Variants in RAP1GDS1 observed in about 807,000 individuals in gnomAD.
RAP1GDS1 encodes the protein Rap1 GTPase-GDP dissociation stimulator 1.
In RAP1GDS1, 35 loss-of-function variants were observed where a neutral mutation model predicts 71.1. The observed-to-expected ratio is 0.49, with a 90% confidence interval of 0.38 to 0.65. The LOEUF is 0.65. RAP1GDS1 is among the 30% of genes least tolerant of loss of function. RAP1GDS1 has a pLI of 0.00. For missense variants in RAP1GDS1, 663 were observed against 706.1 expected (o/e 0.94, Z 0.69); for synonymous variants, 229 against 243.1 (o/e 0.94, Z 0.54).
In RAP1GDS1 at chr4:98,321,147, G is replaced by A. The variant is rs1316285380; in HGVS notation, c.113-21992G>A. Among the ~76,000 whole-genome samples the A allele has an allele frequency of 5.0e-4, 72 of 145,338 alleles. No homozygotes were observed. The East Asian group carries it at 0.013, about 26-fold the overall frequency. Reference sequence around the variant, plus strand: ...ATGCAGAAGCCTCAGGAGCCGATGCGATCAACTGGAAGAAAGGATATCAGC... The same window carrying A: ...ATGCAGAAGCCTCAGGAGCCGATGCAATCAACTGGAAGAAAGGATATCAGC... On this transcript the variant is annotated intron_variant, in intron 2 of 14. Coordinates refer to ENST00000408927, the MANE Select transcript of RAP1GDS1 (RefSeq NM_001100427.2).
chr4:98,420,393 T>A (rs1242508689), intron 11 of RAP1GDS1, among the ~76,000 whole-genome samples: 1 of 151,904 alleles, frequency 6.6e-6, no homozygotes, highest in Admixed American at 6.6e-5. Context: ...TGAGACAGAG[T>A]CTTGTTCTGT....
chr4:98,387,779 G>A (rs1742987695), intron 5 of RAP1GDS1, among the ~76,000 whole-genome samples: 1 of 152,116 alleles, frequency 6.6e-6, no homozygotes, highest in African/African-American at 2.4e-5. Context: ...CTATGTATGG[G>A]CCTGGGTTAC....
intron 2 of RAP1GDS1, among the ~76,000 whole-genome samples, chr4:98,298,892 G>A (rs1297728117): frequency 6.6e-6 from 1 of 152,104 alleles, no homozygotes; most frequent in Admixed American, 6.6e-5. Flanking sequence ...TGATTCATGG[G>A]AGAAGGTCAA....
intron 2 of RAP1GDS1, among the ~76,000 whole-genome samples, chr4:98,300,423 G>T (rs528893712): frequency 6.7e-6 from 1 of 149,440 alleles, no homozygotes; most frequent in South Asian, 2.1e-4. Context: ...TTTTTGAGGC[G>T]GAGTCTTGCA....
chr4:98,270,390 C>T (rs1199524779), intron 1 of RAP1GDS1, among the ~76,000 whole-genome samples: 1 of 152,104 alleles, frequency 6.6e-6, no homozygotes, highest in East Asian at 1.9e-4. Flanking sequence ...CTCTATATAA[C>T]TTGTTTTTCT....
chr4:98,421,321 C>T lies in RAP1GDS1; in HGVS notation c.1367C>T (p.Ala456Val). The T allele has an allele frequency of 6.2e-7, 1 of 1,612,166 alleles. No homozygotes were observed. Among genetic ancestry groups the T allele is most frequent in the Non-Finnish European group, 8.5e-7 (1 of 1,178,876 alleles). ...LVERLVEWCEAKDHAGVMGES... is the reference protein window; with the variant it reads ...LVERLVEWCEVKDHAGVMGES... ...GAGCGTTTGGTGGAATGGTGTGAAG[C>T]CAAAGATCATGCTGGTGTGATGGGG... is the stretch of plus-strand genomic sequence containing the variant. The change falls in exon 12 of 15, where the codon GCC (alanine) becomes GTC (valine). Residue 456 changes from alanine to valine, a missense_variant. Coordinates refer to ENST00000408927, the MANE Select transcript of RAP1GDS1 (RefSeq NM_001100427.2).
intron 2 of RAP1GDS1, among the ~76,000 whole-genome samples, chr4:98,340,364 C>T (rs1406089484): frequency 6.6e-6 from 1 of 152,102 alleles, no homozygotes; most frequent in East Asian, 1.9e-4. Context: ...TCCTTTGCAG[C>T]AACATGGATG....
intron 2 of RAP1GDS1, among the ~76,000 whole-genome samples, chr4:98,316,123 T>G (rs1401121501): frequency 6.6e-6 from 1 of 152,180 alleles, no homozygotes; most frequent in African/African-American, 2.4e-5. Flanking sequence ...CATCCAGTGC[T>G]AGGATTTAAT....
At chr4:98,288,534 TG>T (rs1358033280) in intron 1 of RAP1GDS1, among the ~76,000 whole-genome samples, 1 of 152,202 alleles carries the variant, frequency 6.6e-6, no homozygotes, top group East Asian at 1.9e-4. Context: ...TATAATCCTT[TG>T]GGTATATACC....
At chr4:98,417,615 C>A (rs1748211885) in intron 9 of RAP1GDS1, 117 bp downstream of exon 9, 1 of 937,318 alleles carries the variant, frequency 1.1e-6, no homozygotes, top group Non-Finnish European at 1.5e-6. Context: ...TGTGTATATG[C>A]TGCTAACTTA....
In RAP1GDS1 at chr4:98,420,009, T is replaced by C. The variant is rs762849283; in HGVS notation, c.1175-10T>C. The C allele has an allele frequency of 3.8e-6, 6 of 1,584,766 alleles. No homozygotes were observed. In the South Asian group the frequency reaches 5.9e-5, roughly 16 times the overall value. ...ATACCATTTTAACCATAGTCTCTCT[T>C]TTTCTCCAGTTATAAATAAAGCAAA... On this transcript the variant is annotated splice_polypyrimidine_tract_variant and intron_variant, in intron 10 of 14. Transcript: ENST00000408927.
intron 2 of RAP1GDS1, among the ~76,000 whole-genome samples, chr4:98,304,181 G>T (rs1003993765): frequency 6.6e-6 from 1 of 152,098 alleles, no homozygotes; most frequent in Admixed American, 6.6e-5. Flanking sequence ...CTTTATAATA[G>T]AATGACTTAT....
chr4:98,323,557 C>G (rs930839060), intron 2 of RAP1GDS1, among the ~76,000 whole-genome samples: 30 of 143,334 alleles, frequency 2.1e-4, no homozygotes, highest in African/African-American at 8.0e-4. Context: ...AGTAGCACAT[C>G]AAAAAGCTTA....
chr4:98,362,434 C>T (rs1384702428), intron 4 of RAP1GDS1, among the ~76,000 whole-genome samples: 3 of 152,086 alleles, frequency 2.0e-5, no homozygotes, highest in Non-Finnish European at 4.4e-5. Context: ...GATTGTGCTA[C>T]CACACTCCAG....
At chr4:98,401,362 ATATAAT>A (rs1159582547) in intron 6 of RAP1GDS1, among the ~76,000 whole-genome samples, 2 of 152,350 alleles carry the variant, frequency 1.3e-5, no homozygotes, top group East Asian at 3.9e-4. Flanking sequence ...ACAAAATTAC[ATATAAT>A]TAGAAAGATG....
chr4:98,436,906 C>T (rs371611611), intron 13 of RAP1GDS1, 34 bp from the exon 14 acceptor site: 50 of 1,546,942 alleles, frequency 3.2e-5, no homozygotes, highest in African/African-American at 5.6e-5. Flanking sequence ...ATACTGGGTT[C>T]GTACGCAGTA....
At chr4:98,347,534 G>A (rs1169489176) in intron 3 of RAP1GDS1, among the ~76,000 whole-genome samples, 1 of 152,142 alleles carries the variant, frequency 6.6e-6, no homozygotes, top group Non-Finnish European at 1.5e-5. Context: ...AAAAAAAAGT[G>A]AATTCTATGT....
At chr4:98,354,810 C>G (rs1737716692) in intron 4 of RAP1GDS1, among the ~76,000 whole-genome samples, 1 of 151,926 alleles carries the variant, frequency 6.6e-6, no homozygotes, top group Admixed American at 6.6e-5. Context: ...AAATACAGCC[C>G]ATATTTTTAT....
At chr4:98,400,390 A>G (rs767074198) in intron 6 of RAP1GDS1, among the ~76,000 whole-genome samples, 3 of 152,112 alleles carry the variant, frequency 2.0e-5, no homozygotes, top group Non-Finnish European at 4.4e-5. Context: ...CAGCCACCGA[A>G]AAGAATGAAA....
Sources: gnomAD v4.1 joint callset for allele counts (sites outside exome capture counted in the v4.1 genomes callset) on GRCh38, gnomAD v4.1.1 for gene constraint, MANE v1.5 for transcripts, NCBI Gene and HGNC (gene_info 2026-07-23, HGNC 2026-07-21) for gene names.